The following UNC13A variants were observed in gnomAD, a reference collection of about 807,000 sequenced individuals.
The protein encoded by UNC13A is unc-13 homolog A.
In UNC13A, 61 loss-of-function variants were observed where a neutral mutation model predicts 219.7. That is an observed-to-expected ratio of 0.28 (90% confidence interval 0.23 to 0.34). UNC13A has a LOEUF of 0.34. UNC13A is among the 10% of genes least tolerant of loss of function. The pLI is 1.00. For missense variants in UNC13A, 1,476 were observed against 2,270.3 expected (o/e 0.65, Z 7.11); for synonymous variants, 920 against 884.6 (o/e 1.04, Z -0.71).
intron 41 of UNC13A, chr19:17,613,719 T>C (rs1599828339): frequency 3.4e-5 from 5 of 147,456 alleles, no homozygotes; most frequent in East Asian, 2.0e-4. Context: ...TTTTTTTTTT[T>C]TTTTTCTTTT....
At chr19:17,666,770 G>C in intron 6 of UNC13A, 66 bp from the exon 7 acceptor site, 1 of 1,340,758 alleles carries the variant, frequency 7.5e-7, no homozygotes, top group Non-Finnish European at 9.9e-7. Context: ...GACCAGGATA[G>C]TCCTCTGTTC....
chr19:17,611,868 G>T lies in UNC13A; in HGVS notation c.4559-13C>A. On this transcript the variant is annotated splice_polypyrimidine_tract_variant and intron_variant, in intron 41 of 43. Transcript: ENST00000519716. ...TCTACACCCAAGCCTGGGCAGGGCA[G>T]GGGAGGATGGTCAGCGTGAGCTCTG... The T allele has an allele frequency of 6.2e-7, 1 of 1,611,782 alleles. No individual in the cohort carries two copies. Among genetic ancestry groups the T allele is most frequent in the South Asian group, 1.1e-5 (1 of 90,944 alleles).
chr19:17,685,450 C>T (rs1269169589), intron 1 of UNC13A, among the ~76,000 whole-genome samples: 2 of 152,158 alleles, frequency 1.3e-5, no homozygotes, highest in Non-Finnish European at 2.9e-5. Context: ...ACCTTGGCCT[C>T]CCAAAGTCAA....
rs778738179 is a variant in UNC13A, at chr19:17,668,131, G to C, written c.454C>G (p.Arg152Gly). Residue 152 changes from arginine (R) to glycine (G), a missense_variant, in exon 6 of 44, where the codon CGG becomes GGG. By Grantham distance (125) the Arg-to-Gly change is moderately radical. Around this residue, in one of 14 missense-constraint regions of UNC13A, gnomAD observed 203 missense variants for 301.6 expected, o/e 0.67. Coordinates refer to ENST00000519716, the MANE Select transcript of UNC13A (RefSeq NM_001080421.3). ...CCAACACTCACTTCATCCTGGTCCC[G>C]CATAGCATTGAGCTGCTCCAGCTTC... ...AKKLEQLNAM[R>G]DQDEYSFQDE... is the part of the protein sequence containing the mutation. The C allele has an allele frequency of 6.2e-7, 1 of 1,613,558 alleles. No individual in the cohort carries two copies. Among genetic ancestry groups the C allele is most frequent in the Non-Finnish European group, 8.5e-7 (1 of 1,179,650 alleles).
In UNC13A at chr19:17,649,427, T is replaced by C. The variant is rs2079303477; in HGVS notation, c.1518+82A>G. The C allele has an allele frequency of 7.4e-6, 12 of 1,613,570 alleles. No individual in the cohort carries two copies. In the African/African-American group the frequency reaches 8.0e-5, roughly 11 times the overall value. ...TGCCTAGCTGGCCCCCAACCCCAGGTTGACCATGGGCAGTTCCACAGGTTG... is the reference window on the plus strand; with the variant it reads ...TGCCTAGCTGGCCCCCAACCCCAGGCTGACCATGGGCAGTTCCACAGGTTG... On this transcript the variant is annotated intron_variant, in intron 13 of 43. Transcript: ENST00000519716. This position sits in a 1 kb window ranked among gnomAD's most constrained non-coding sequence, Gnocchi z 4.4.
intron 31 of UNC13A, chr19:17,628,187 T>C: frequency 1.8e-6 from 1 of 549,088 alleles, no homozygotes; most frequent in Non-Finnish European, 3.3e-6. Flanking sequence ...CCAGGCCTGG[T>C]GGGGGGTCCA....
chr19:17,659,074 G>GA (rs57430221), intron 8 of UNC13A, among the ~76,000 whole-genome samples: 6 of 151,306 alleles, frequency 4.0e-5, no homozygotes, highest in African/African-American at 1.5e-4. Flanking sequence ...TGTACCTTCT[G>GA]AAAAAAAAGA....
At chr19:17,641,273 C>A in intron 21 of UNC13A, 120 bp downstream of exon 21, 1 of 1,317,268 alleles carries the variant, frequency 7.6e-7, no homozygotes, top group Non-Finnish European at 1.0e-6. Context: ...ACGGAACCCA[C>A]CACCACCACG....
At position 17,649,725 on chromosome 19, in the gene UNC13A, C is replaced by T. The variant is rs1238948573; in HGVS notation, c.1440-138G>A. The T allele has an allele frequency of 1.5e-5, 13 of 852,492 alleles. No individual in the cohort carries two copies. The highest frequency in any genetic ancestry group is 2.4e-5 in the Non-Finnish European group (13 of 533,024). 52.8% of individuals were successfully genotyped at this position (852,492 alleles called of 1,614,324 possible). ...AAAAAAAGATACGCTGATGCCCTAA[C>T]CCCCACTACCTCAGAAGGTGACCTT... is the stretch of plus-strand genomic sequence containing the variant. On this transcript the variant is annotated intron_variant, in intron 12 of 43. Coordinates refer to ENST00000519716, the MANE Select transcript of UNC13A (RefSeq NM_001080421.3). This position sits in a 1 kb window ranked among gnomAD's most constrained non-coding sequence, Gnocchi z 4.4.
intron 10 of UNC13A, among the ~76,000 whole-genome samples, chr19:17,655,596 T>C (rs1379558997): frequency 1.3e-5 from 2 of 152,110 alleles, no homozygotes. Flanking sequence ...GTTCCTCGGC[T>C]TCCTTTTCAC....
At chr19:17,681,512 G>A (rs1018441352) in intron 1 of UNC13A, among the ~76,000 whole-genome samples, 2 of 152,126 alleles carry the variant, frequency 1.3e-5, no homozygotes, top group Admixed American at 1.3e-4. Context: ...CTTATCCTCC[G>A]TTGACACAAA....
At chr19:17,635,647 A>G (rs956033538) in intron 26 of UNC13A, among the ~76,000 whole-genome samples, 1 of 152,228 alleles carries the variant, frequency 6.6e-6, no homozygotes, top group African/African-American at 2.4e-5. Context: ...ACATCCATAC[A>G]TATAAGATAT....
Position 17,629,336 on chromosome 19 carries a change from CAG to C in UNC13A, c.3670-15_3670-14del. The C allele has an allele frequency of 6.2e-7, 1 of 1,605,310 alleles. No homozygotes were observed. Among genetic ancestry groups the C allele is most frequent in the East Asian group, 2.2e-5 (1 of 44,688 alleles). On this transcript the variant is annotated splice_polypyrimidine_tract_variant and intron_variant, in intron 30 of 43. Coordinates refer to ENST00000519716, the MANE Select transcript of UNC13A (RefSeq NM_001080421.3). ...CATTACTGATGGTCTGGGGAAGACA[CAG>C]AGTGTGGGTGAGAGGAGAGGCTGGC...
chr19:17,680,686 C>T (rs1348004724), intron 1 of UNC13A, among the ~76,000 whole-genome samples: 1 of 151,856 alleles, frequency 6.6e-6, no homozygotes, highest in Non-Finnish European at 1.5e-5. Flanking sequence ...CTCTTCTTCC[C>T]TCCTCTTCCT....
At position 17,645,708 on chromosome 19, in the gene UNC13A, C is replaced by G. The variant is rs746012905; in HGVS notation, c.2322G>C (p.Thr774=). ...ACCACACGTCCATCTCGCCGCTGAG[C>G]GTCCGCACCTCAATGATCGTCTGCC... ...FLGQTIIEVR[T]LSGEMDVWYN... The change falls in exon 19 of 44, where the codon ACG becomes ACC. Residue 774 remains threonine (T), a synonymous_variant. Coordinates refer to ENST00000519716, the MANE Select transcript of UNC13A (RefSeq NM_001080421.3). 6 of 1,614,248 alleles carry G rather than the reference C, an allele frequency of 3.7e-6. 1 individual carries two copies. Among genetic ancestry groups the G allele is most frequent in the South Asian group, 3.3e-5 (3 of 91,092 alleles).
In UNC13A at chr19:17,645,825, G is replaced by A. The variant is rs757819891; in HGVS notation, c.2205C>T (p.Ser735=). The A allele has an allele frequency of 2.2e-5, 35 of 1,610,780 alleles. No individual in the cohort carries two copies. Among genetic ancestry groups the A allele is most frequent in the East Asian group, 4.5e-5 (2 of 44,768 alleles). The change falls in exon 19 of 44, where the codon TCC becomes TCT. Residue 735 remains serine (S), a synonymous_variant. Coordinates refer to ENST00000519716, the MANE Select transcript of UNC13A (RefSeq NM_001080421.3). The part of the protein sequence containing the change: ...ENFHFECHNS[S]DRIKVRVWDE... ...CCCAGACGCGCACCTTGATGCGGTCGGAGGAATTGTGACATTCACTGTGGC... is the reference window on the plus strand; with the variant it reads ...CCCAGACGCGCACCTTGATGCGGTCAGAGGAATTGTGACATTCACTGTGGC...
rs1005295056 is a variant in UNC13A at position 17,642,939 on chromosome 19, G to A, written c.2378C>T (p.Ala793Val). The A allele has an allele frequency of 3.7e-6, 6 of 1,608,546 alleles. No homozygotes were observed. The highest frequency in any genetic ancestry group is 1.7e-4 in the Middle Eastern group (1 of 6,058). ...YNLDKRTDKS[A>V]VSGAIRLHIS... ...GTGGAGCCGGATGGCACCCGACACG[G>A]CAGATTTGTCAGTTCGCTTGTCTGC... The change falls in exon 20 of 44, where the codon GCC (alanine) becomes GTC (valine). Residue 793 changes from alanine to valine, a missense_variant. This residue lies in a region of UNC13A where 66 missense variants were observed against 224.3 expected (regional missense o/e 0.29). Transcript: ENST00000519716.
At chr19:17,639,694 A>G (rs994454337) in intron 23 of UNC13A, 146 bp downstream of exon 23, 20 of 1,127,632 alleles carry the variant, frequency 1.8e-5, no homozygotes, top group Non-Finnish European at 2.5e-5. Context: ...TACGGCAGGT[A>G]GTGCCCATGC....
At chr19:17,611,986 G>T (rs1044080000) in intron 41 of UNC13A, 131 bp from the exon 42 acceptor site, 9 of 680,462 alleles carry the variant, frequency 1.3e-5, no homozygotes, top group Non-Finnish European at 2.2e-5. Context: ...AGGCACTGAT[G>T]GGGGGCCAGG....
Sources: gnomAD v4.1 joint callset for allele counts (sites outside exome capture counted in the v4.1 genomes callset) on GRCh38, gnomAD v4.1.1 for gene constraint, gnomAD v4.1.1 regional missense constraint, Gnocchi (gnomAD v3.1) non-coding constraint, MANE v1.5 for transcripts, NCBI Gene and HGNC (gene_info 2026-07-23, HGNC 2026-07-21) for gene names.